Variants in LMNTD1 observed in about 807,000 individuals in gnomAD.
The protein encoded by LMNTD1 is lamin tail domain containing 1, also known as lamin tail domain-containing protein 1.
Under a neutral mutation model 50.9 loss-of-function variants are expected in LMNTD1, and 35 were observed. The observed-to-expected ratio is 0.69, with a 90% CI of 0.53 to 0.91. The LOEUF (loss-of-function observed/expected upper bound fraction) is 0.91. LMNTD1 is among the 40% of genes least tolerant of loss of function. The pLI is 0.00. For synonymous variants in LMNTD1, 153 were observed against 161.9 expected, an observed-to-expected ratio of 0.94 and a Z score of 0.42; for missense variants, 470 against 475.5, an observed-to-expected ratio of 0.99 and a Z score of 0.11.
chr12:25,495,249 CGTGTGTGT>C (rs1207389869), intron 9 of LMNTD1, among the ~76,000 whole-genome samples: 9 of 144,768 alleles, frequency 6.2e-5, no homozygotes, highest in East Asian at 2.1e-4. Context: ...AAAGTGTGTA[CGTGTGTGT>C]GTGTGTGTGT....
At chr12:25,643,659 T>C (rs1946997133) in intron 1 of LMNTD1, among the ~76,000 whole-genome samples, 1 of 152,176 alleles carries the variant, frequency 6.6e-6, no homozygotes, top group Non-Finnish European at 1.5e-5. Context: ...TAATCGAGTG[T>C]CACTTGGATG....
intron 1 of LMNTD1, among the ~76,000 whole-genome samples, chr12:25,615,920 G>A (rs1009454354): frequency 6.6e-6 from 1 of 152,112 alleles, no homozygotes. Context: ...AAAGTTATAT[G>A]TGGAAGATCA....
At chr12:25,567,891 T>A (rs562967218) in intron 1 of LMNTD1, among the ~76,000 whole-genome samples, 5 of 151,958 alleles carry the variant, frequency 3.3e-5, no homozygotes, top group African/African-American at 1.2e-4. Context: ...AATGTAAGAG[T>A]GGCTTAATAC....
intron 1 of LMNTD1, among the ~76,000 whole-genome samples, chr12:25,633,090 T>C (rs1946756796): frequency 6.6e-6 from 1 of 151,092 alleles, no homozygotes; most frequent in South Asian, 2.1e-4. Context: ...AGGGACATCA[T>C]GTAATGGTAA....
At chr12:25,599,265 T>C (rs1945911130) in intron 1 of LMNTD1, among the ~76,000 whole-genome samples, 1 of 151,790 alleles carries the variant, frequency 6.6e-6, no homozygotes, top group Admixed American at 6.6e-5. Flanking sequence ...CATCCCTTCA[T>C]GAAAAAAACC....
chr12:25,546,861 C>A (rs2666792), intron 3 of LMNTD1, among the ~76,000 whole-genome samples: 101,659 of 151,200 alleles, frequency 0.67, 34,509 homozygotes, highest in Admixed American at 0.73. Context: ...AAGCATCATC[C>A]ATTTTGAAAT....
chr12:25,627,843 C>G (rs1384140044), intron 1 of LMNTD1, among the ~76,000 whole-genome samples: 1 of 152,102 alleles, frequency 6.6e-6, no homozygotes, highest in Admixed American at 6.5e-5. Flanking sequence ...GGCGCGGTGG[C>G]TCACGCCTGT....
At chr12:25,477,813 T>G (rs1938318727) in intron 9 of LMNTD1, among the ~76,000 whole-genome samples, 2 of 152,000 alleles carry the variant, frequency 1.3e-5, no homozygotes, top group African/African-American at 2.4e-5. Flanking sequence ...GCAAGAGTGG[T>G]AGGACTCTTA....
intron 8 of LMNTD1, among the ~76,000 whole-genome samples, chr12:25,516,187 G>T (rs894504004): frequency 1.3e-5 from 2 of 151,980 alleles, no homozygotes; most frequent in Non-Finnish European, 2.9e-5. Context: ...AGAAAAAATC[G>T]TACAATTCTG....
intron 6 of LMNTD1, among the ~76,000 whole-genome samples, chr12:25,520,379 A>G (rs1941229203): frequency 6.6e-6 from 1 of 151,598 alleles, no homozygotes; most frequent in Admixed American, 6.6e-5. Context: ...ACATCTGCCT[A>G]TTTCCTCCCC....
At chr12:25,631,800 A>G (rs1214550890) in intron 1 of LMNTD1, among the ~76,000 whole-genome samples, 2 of 152,170 alleles carry the variant, frequency 1.3e-5, no homozygotes, top group Admixed American at 1.3e-4. Context: ...CCAAAAATAA[A>G]TCCCTGATTT....
chr12:25,560,264 C>T (rs1193483362), intron 1 of LMNTD1, among the ~76,000 whole-genome samples: 6 of 152,182 alleles, frequency 3.9e-5, no homozygotes, highest in African/African-American at 1.2e-4. Flanking sequence ...TACATATGGC[C>T]AGCCAGTTTT....
chr12:25,509,616 C>G (rs980323204), intron 8 of LMNTD1, among the ~76,000 whole-genome samples: 1 of 152,122 alleles, frequency 6.6e-6, no homozygotes, highest in Non-Finnish European at 1.5e-5. Context: ...TGTGTCCTAA[C>G]CCTTGGAACG....
chr12:25,525,088 AT>A (rs1403826691), intron 6 of LMNTD1, among the ~76,000 whole-genome samples: 3 of 152,218 alleles, frequency 2.0e-5, no homozygotes, highest in Admixed American at 1.3e-4. Flanking sequence ...GGTAAGAAAA[AT>A]CACAGGTATG....
At chr12:25,648,401 C>T (rs1565537239) in intron 1 of LMNTD1, 1 of 1,029,132 alleles carries the variant, frequency 9.7e-7, no homozygotes, top group Non-Finnish European at 1.5e-6. Flanking sequence ...GATATGACCA[C>T]TTTCTAAAGT....
chr12:25,512,640 T>A (rs1940391295), intron 8 of LMNTD1, among the ~76,000 whole-genome samples: 2 of 152,142 alleles, frequency 1.3e-5, no homozygotes, highest in Non-Finnish European at 2.9e-5. Context: ...CCTCTTGACA[T>A]CTGCTGTCAA....
intron 1 of LMNTD1, among the ~76,000 whole-genome samples, chr12:25,562,714 A>G (rs982745048): frequency 2.0e-5 from 3 of 152,186 alleles, no homozygotes; most frequent in Admixed American, 6.5e-5. Flanking sequence ...TCTCCTGGAT[A>G]ATATCCTGAA....
chr12:25,627,824 G>A (rs1009724392), intron 1 of LMNTD1, among the ~76,000 whole-genome samples: 6 of 152,106 alleles, frequency 3.9e-5, no homozygotes, highest in African/African-American at 1.4e-4. Flanking sequence ...AAAGGCAAAG[G>A]ATGGGCCGGG....
intron 1 of LMNTD1, among the ~76,000 whole-genome samples, chr12:25,558,740 A>G (rs1177214695): frequency 6.6e-6 from 1 of 152,184 alleles, no homozygotes; most frequent in Non-Finnish European, 1.5e-5. Context: ...GAGCATGTGC[A>G]GGGGAACTCC....
Sources: gnomAD v4.1 joint callset for allele counts (sites outside exome capture counted in the v4.1 genomes callset) on GRCh38, gnomAD v4.1.1 for gene constraint, MANE v1.5 for transcripts, NCBI Gene and HGNC (gene_info 2026-07-23, HGNC 2026-07-21) for gene names.